The following TAF15 variants were observed in gnomAD, a reference collection of about 807,000 sequenced individuals.
TAF15 encodes the protein TATA-box binding protein associated factor 15.
In TAF15, 37 loss-of-function variants were observed where a neutral mutation model predicts 102.5. The ratio of observed to expected loss-of-function variants is 0.36; its 90% CI spans 0.28 to 0.47. The LOEUF is 0.47. Among genes scored for constraint, TAF15 ranks in the 20% least tolerant of loss-of-function variants. The pLI is 0.99. For missense variants in TAF15, 652 were observed against 760.7 expected (o/e 0.86, Z 1.68); for synonymous variants, 273 against 259.2 (o/e 1.05, Z -0.51).
rs138604744 is a variant in TAF15 at position 35,836,197 on chromosome 17, A to G, written c.739A>G (p.Thr247Ala). 15 of 1,613,606 alleles carry G rather than the reference A, an allele frequency of 9.3e-6. No individual in the cohort carries two copies. Among genetic ancestry groups the G allele is most frequent in the African/African-American group, 1.3e-5 (1 of 74,930 alleles). Residue 247 changes from threonine to alanine, a missense_variant, in exon 10 of 16, where the codon ACA becomes GCA. By Grantham distance (58) the Thr-to-Ala change is moderately conservative. This residue lies in a region of TAF15 where 41 missense variants were observed against 109.1 expected (regional missense o/e 0.38). Transcript: ENST00000605844. ...FVQGLGEGVS[T>A]DQVGEFFKQI... Reference sequence around the variant, plus strand: ...GCAAGGACTTGGGGAGGGTGTGTCTACAGATCAAGTTGGGGAGTTCTTTAA... The same window carrying G: ...GCAAGGACTTGGGGAGGGTGTGTCTGCAGATCAAGTTGGGGAGTTCTTTAA...
Position 35,844,683 on chromosome 17 carries a change from G to A in TAF15, c.1384G>A (p.Gly462Ser), listed in dbSNP as rs372970936. 45 of 1,600,732 alleles carry A rather than the reference G, an allele frequency of 2.8e-5. No individual in the cohort carries two copies. The highest frequency in any genetic ancestry group is 3.6e-5 in the Non-Finnish European group (42 of 1,174,106). ...GGGYGGDRGG[G>S]YGGDRGGGYG... is the part of the protein sequence containing the mutation. ...TGGCTATGGTGGGGACAGAGGCGGC[G>A]GCTATGGTGGGGACAGAGGAGGCGG... Residue 462 changes from glycine (G) to serine (S), a missense_variant, in exon 15 of 16, where the codon GGC (glycine) becomes AGC (serine). Transcript: ENST00000605844.
chr17:35,828,819 A>G (rs1249439612), intron 7 of TAF15, among the ~76,000 whole-genome samples: 1 of 149,510 alleles, frequency 6.7e-6, no homozygotes, highest in Non-Finnish European at 1.5e-5. Context: ...CTTTTTTCAT[A>G]TTAAAATTTA....
intron 7 of TAF15, among the ~76,000 whole-genome samples, chr17:35,831,257 A>C (rs145706798): frequency 0.024 from 3,617 of 152,042 alleles, 63 homozygotes; most frequent in Middle Eastern, 0.044. Flanking sequence ...AAAAACAAAA[A>C]TTAGCCGGGC....
chr17:35,830,403 T>G (rs972785088), intron 7 of TAF15: 1 of 152,244 alleles, frequency 6.6e-6, no homozygotes, highest in Non-Finnish European at 1.5e-5. Flanking sequence ...ATTCTTTATG[T>G]GTAAATGTTT....
In TAF15 at chr17:35,824,564, C is replaced by T. The variant is rs541506974; in HGVS notation, c.605+366C>T. Reference sequence around the variant, plus strand: ...TGTAAAAATAAAAGGTAAGTTAATTCTAGATTGAGGGGCAGAGGCTATTTC... The same window carrying T: ...TGTAAAAATAAAAGGTAAGTTAATTTTAGATTGAGGGGCAGAGGCTATTTC... On this transcript the variant is annotated intron_variant, in intron 7 of 15. Transcript: ENST00000605844. 2.7e-3 allele frequency among the ~76,000 whole-genome samples: 412 copies of T among 152,208 alleles called. 2 individuals carry two copies. Among genetic ancestry groups the T allele is most frequent in the African/African-American group, 9.4e-3 (392 of 41,520 alleles).
chr17:35,834,832 A>C (rs1598541746), intron 9 of TAF15, among the ~76,000 whole-genome samples: 1 of 132,924 alleles, frequency 7.5e-6, no homozygotes, highest in Admixed American at 9.6e-5. Flanking sequence ...TGCAGCCCCC[A>C]CCTGCCGGGT....
chr17:35,837,814 G>A (rs909415522), intron 10 of TAF15, among the ~76,000 whole-genome samples: 6 of 151,986 alleles, frequency 3.9e-5, no homozygotes, highest in African/African-American at 7.2e-5. Flanking sequence ...GCAACAGAGC[G>A]AGACTCCACC....
chr17:35,829,261 C>T (rs1156811263), intron 7 of TAF15, among the ~76,000 whole-genome samples: 1 of 151,712 alleles, frequency 6.6e-6, no homozygotes, highest in Non-Finnish European at 1.5e-5. Context: ...CTGCATTGTC[C>T]TTTTACTTCT....
In TAF15 at chr17:35,842,385, A is replaced by G. The variant is rs369833136; in HGVS notation, c.932A>G (p.Asn311Ser). 20 of 1,613,930 alleles carry G rather than the reference A, an allele frequency of 1.2e-5. No individual in the cohort carries two copies. The South Asian group carries it at 1.8e-4, about 14-fold the overall frequency. ...TTCTTAGGAAAAGAATTCCATGGCA[A>G]CATCATTAAAGTGTCCTTTGCCACT... ...DWFDGKEFHG[N>S]IIKVSFATRR... Residue 311 changes from asparagine (N) to serine (S), a missense_variant, in exon 12 of 16, where the codon AAC (asparagine) becomes AGC (serine). Around this residue, in one of 3 missense-constraint regions of TAF15, gnomAD observed 41 missense variants for 109.1 expected, o/e 0.38. Coordinates refer to ENST00000605844, the MANE Select transcript of TAF15 (RefSeq NM_139215.3).
At chr17:35,843,208 C>A (rs1336653253) in intron 12 of TAF15, among the ~76,000 whole-genome samples, 1 of 152,036 alleles carries the variant, frequency 6.6e-6, no homozygotes, top group East Asian at 1.9e-4. Flanking sequence ...ACCGCAACCT[C>A]TCCCTCCCGG....
At chr17:35,844,047 G>C (rs2087579088) in intron 12 of TAF15, 30 bp from the exon 13 acceptor site, 1 of 1,598,698 alleles carries the variant, frequency 6.3e-7, no homozygotes, top group African/African-American at 1.3e-5. Flanking sequence ...ATCTGCTGCT[G>C]ATTTTTCTCC....
rs369555903 is a variant in TAF15 at position 35,844,973 on chromosome 17, T to C, written c.1674T>C (p.Tyr558=). ...GAGGAGACAGGAGTGGTGGCGGCTA[T>C]GGAGGAGACCGAGGTGGGGGCTACG... ...GYGGDRSGGG[Y]GGDRGGGYGG... The change falls in exon 15 of 16, where the codon TAT becomes TAC. Residue 558 remains tyrosine, a synonymous_variant. Transcript: ENST00000605844. 28 of 1,612,570 alleles carry C rather than the reference T, an allele frequency of 1.7e-5. No homozygotes were observed. In the South Asian group the frequency reaches 2.0e-4, roughly 11 times the overall value.
chr17:35,822,869 CT>C (rs2087280647), intron 6 of TAF15, 36 bp downstream of exon 6: 4 of 1,607,056 alleles, frequency 2.5e-6, no homozygotes, highest in South Asian at 1.1e-5. Context: ...ATTTTTCCCC[CT>C]CTCAGAATTA....
intron 1 of TAF15, 51 bp from the exon 2 acceptor site, chr17:35,817,665 G>C (rs754070866): frequency 1.9e-6 from 3 of 1,549,698 alleles, no homozygotes; most frequent in South Asian, 1.1e-5. Context: ...GTCAGCCTTT[G>C]AAGGAACCAT....
chr17:35,834,634 GA>G, intron 9 of TAF15, 36 bp downstream of exon 9: 1 of 1,562,608 alleles, frequency 6.4e-7, no homozygotes. Context: ...TTGCCATTAA[GA>G]AAATGTTAGT....
rs779112082 is a variant in TAF15 at position 35,844,383 on chromosome 17, T to C, written c.1177+15T>C. 1 of 1,613,326 alleles carries C rather than the reference T, an allele frequency of 6.2e-7. No homozygotes were observed. Among genetic ancestry groups the C allele is most frequent in the East Asian group, 2.2e-5 (1 of 44,878 alleles). On this transcript the variant is annotated intron_variant, in intron 14 of 15. Transcript: ENST00000605844. ...CTCAGGAGGAGGTGGGTCAGCCTTTTAATAGCATCTGCATCGTGCTTATCT... is the reference window on the plus strand; with the variant it reads ...CTCAGGAGGAGGTGGGTCAGCCTTTCAATAGCATCTGCATCGTGCTTATCT...
chr17:35,836,326 C>A, intron 10 of TAF15, 85 bp downstream of exon 10: 1 of 960,496 alleles, frequency 1.0e-6, no homozygotes, highest in African/African-American at 1.6e-5. Flanking sequence ...CTACATACTT[C>A]AGTACGCCTT....
intron 1 of TAF15, among the ~76,000 whole-genome samples, chr17:35,816,059 T>C (rs553767817): frequency 1.1e-4 from 16 of 152,214 alleles, no homozygotes; most frequent in African/African-American, 3.4e-4. Flanking sequence ...CCTCCTGGGC[T>C]CAAGCAGTAC....
chr17:35,820,122 C>G, intron 3 of TAF15, 42 bp from the exon 4 acceptor site: 5 of 1,613,472 alleles, frequency 3.1e-6, no homozygotes, highest in Non-Finnish European at 4.2e-6. Flanking sequence ...TTATTTTTAT[C>G]TTAAGTAGGT....
Sources: allele counts gnomAD v4.1 joint callset (sites outside exome capture counted in the v4.1 genomes callset), GRCh38; gene constraint gnomAD v4.1.1; regional missense constraint gnomAD v4.1.1; transcripts MANE v1.5; gene names NCBI Gene and HGNC (gene_info 2026-07-23, HGNC 2026-07-21).